Variants in CNTNAP2 observed in about 807,000 individuals in gnomAD.
CNTNAP2 encodes contactin-associated protein-like 2.
CNTNAP2 carries 98 observed loss-of-function variants against 155.2 expected under a neutral mutation model. That is an observed-to-expected ratio of 0.63 (90% confidence interval 0.54 to 0.75). The LOEUF (loss-of-function observed/expected upper bound fraction) is 0.75, where lower values mean the gene tolerates loss of function less well. Ranked by LOEUF, CNTNAP2 falls within the 30% of genes least tolerant of loss-of-function variation. The probability of loss-of-function intolerance (pLI) is 0.00; values close to 1 mark genes in which losing one functional copy is unlikely to be tolerated. For missense variants in CNTNAP2, 1,727 were observed against 1,688.1 expected, an observed-to-expected ratio of 1.02 and a Z score of -0.40; for synonymous variants, 651 against 631.2, an observed-to-expected ratio of 1.03 and a Z score of -0.47.
At chr7:147,413,281 T>C (rs1797134260) in intron 10 of CNTNAP2, among the ~76,000 whole-genome samples, 1 of 152,212 alleles carries the variant, frequency 6.6e-6, no homozygotes, top group Non-Finnish European at 1.5e-5. Flanking sequence ...ATTTTGGATG[T>C]CACGAGGGAA....
intron 1 of CNTNAP2, among the ~76,000 whole-genome samples, chr7:146,133,801 G>C (rs1797754860): frequency 6.6e-6 from 1 of 152,186 alleles, no homozygotes; most frequent in Admixed American, 6.5e-5. Flanking sequence ...GTACCATGCT[G>C]TTTTGGTTAC....
At chr7:146,342,643 T>C (rs142744223) in intron 1 of CNTNAP2, among the ~76,000 whole-genome samples, 2 of 152,174 alleles carry the variant, frequency 1.3e-5, no homozygotes, top group Admixed American at 1.3e-4. Flanking sequence ...TTTTCCTTCT[T>C]GTTACACAGA....
At chr7:148,102,435 T>G (rs1804120688) in intron 15 of CNTNAP2, among the ~76,000 whole-genome samples, 1 of 152,200 alleles carries the variant, frequency 6.6e-6, no homozygotes, top group South Asian at 2.1e-4. Context: ...TGATGCACAT[T>G]TGTGTGCAGG....
At chr7:148,269,700 G>C (rs1451072135) in intron 21 of CNTNAP2, among the ~76,000 whole-genome samples, 1 of 152,176 alleles carries the variant, frequency 6.6e-6, no homozygotes, top group Non-Finnish European at 1.5e-5. Flanking sequence ...TCCAGAAGAG[G>C]GATGTATTTG....
At chr7:146,798,006 G>A (rs1279624106) in intron 2 of CNTNAP2, among the ~76,000 whole-genome samples, 1 of 147,934 alleles carries the variant, frequency 6.8e-6, no homozygotes, top group Non-Finnish European at 1.5e-5. Flanking sequence ...GAGTGTGGTG[G>A]CTTACAGCTG....
intron 13 of CNTNAP2, among the ~76,000 whole-genome samples, chr7:147,696,916 C>T (rs975402533): frequency 2.0e-5 from 3 of 151,986 alleles, no homozygotes; most frequent in African/African-American, 7.2e-5. Context: ...TGGCTTATTT[C>T]AAAATTTTTT....
chr7:147,985,219 CTT>C (rs1342423535), intron 15 of CNTNAP2, among the ~76,000 whole-genome samples: 1 of 151,844 alleles, frequency 6.6e-6, no homozygotes, highest in Admixed American at 6.6e-5. Context: ...CAGAATTCCT[CTT>C]CTCTCCACTC....
intron 8 of CNTNAP2, among the ~76,000 whole-genome samples, chr7:147,150,782 A>G (rs1317139615): frequency 1.3e-5 from 2 of 152,256 alleles, no homozygotes; most frequent in Non-Finnish European, 2.9e-5. Context: ...AAAACAGAAC[A>G]AGACGACAAC....
At chr7:146,340,909 T>A (rs1801371663) in intron 1 of CNTNAP2, among the ~76,000 whole-genome samples, 1 of 152,204 alleles carries the variant, frequency 6.6e-6, no homozygotes, top group South Asian at 2.1e-4. Flanking sequence ...CAATTGAATA[T>A]ACTGACTGAT....
chr7:146,649,633 C>T (rs2129163333), intron 1 of CNTNAP2, among the ~76,000 whole-genome samples: 1 of 152,186 alleles, frequency 6.6e-6, no homozygotes, highest in Admixed American at 6.5e-5. Flanking sequence ...TCATTTAAAA[C>T]ATTTTCAAAA....
chr7:146,414,310 A>G (rs934580451), intron 1 of CNTNAP2, among the ~76,000 whole-genome samples: 1 of 152,186 alleles, frequency 6.6e-6, no homozygotes, highest in Non-Finnish European at 1.5e-5. Context: ...GAGATTACAG[A>G]TACATGTTTT....
intron 3 of CNTNAP2, among the ~76,000 whole-genome samples, chr7:146,920,799 G>A (rs988769420): frequency 2.0e-5 from 3 of 152,112 alleles, no homozygotes; most frequent in African/African-American, 7.2e-5. Flanking sequence ...TTAAGTGCAC[G>A]AGTTGTGAGT....
intron 8 of CNTNAP2, among the ~76,000 whole-genome samples, chr7:147,169,430 T>C (rs893620619): frequency 2.0e-5 from 3 of 152,146 alleles, no homozygotes; most frequent in African/African-American, 7.2e-5. Flanking sequence ...ACGCCCTCCC[T>C]CTTTCCCCTC....
intron 21 of CNTNAP2, among the ~76,000 whole-genome samples, chr7:148,360,283 G>A (rs1398666442): frequency 6.6e-6 from 1 of 152,090 alleles, no homozygotes; most frequent in African/African-American, 2.4e-5. Flanking sequence ...GAAAGGAGTG[G>A]AAGAAGGAGA....
At position 147,405,343 on chromosome 7, in the gene CNTNAP2, T is replaced by C. The variant is rs1019485752; in HGVS notation, c.1670+9563T>C. The stretch of plus-strand genomic sequence containing the variant: ...AACAAGTGCTTTCTTCTTAAAATAA[T>C]TGTTTTTGTCAATTACTTGAATACA... On this transcript the variant is annotated intron_variant, in intron 10 of 23. Transcript: ENST00000361727. Among the ~76,000 whole-genome samples the C allele has an allele frequency of 1.1e-4, 17 of 152,336 alleles. 1 individual carries two copies. The highest frequency in any genetic ancestry group is 1.0e-3 in the South Asian group (5 of 4,830).
At chr7:147,651,861 C>A (rs1795454856) in intron 13 of CNTNAP2, among the ~76,000 whole-genome samples, 1 of 152,162 alleles carries the variant, frequency 6.6e-6, no homozygotes, top group Non-Finnish European at 1.5e-5. Flanking sequence ...AAGGGAAGCA[C>A]CTCCATTGAG....
At chr7:146,841,424 A>C (rs1340383160) in intron 3 of CNTNAP2, among the ~76,000 whole-genome samples, 1 of 152,118 alleles carries the variant, frequency 6.6e-6, no homozygotes, top group Non-Finnish European at 1.5e-5. Flanking sequence ...CAAACAGCAG[A>C]CCAAACAACT....
At chr7:146,384,096 A>G (rs1032111054) in intron 1 of CNTNAP2, among the ~76,000 whole-genome samples, 3 of 152,200 alleles carry the variant, frequency 2.0e-5, no homozygotes, top group African/African-American at 7.2e-5. Context: ...CCTGCGGAGA[A>G]AGGAACAAAA....
At chr7:146,473,923 T>A (rs1229006486) in intron 1 of CNTNAP2, among the ~76,000 whole-genome samples, 1 of 152,184 alleles carries the variant, frequency 6.6e-6, no homozygotes, top group African/African-American at 2.4e-5. Context: ...CAGGATTGTG[T>A]CCACCGTACA....
Sources: gnomAD v4.1 joint callset for allele counts (sites outside exome capture counted in the v4.1 genomes callset) on GRCh38, gnomAD v4.1.1 for gene constraint, MANE v1.5 for transcripts, NCBI Gene and HGNC (gene_info 2026-07-23, HGNC 2026-07-21) for gene names.